DNAJC18: variants seen among roughly 807,000 people sequenced by gnomAD.
The protein encoded by DNAJC18 is dnaJ homolog subfamily C member 18.
A neutral mutation model predicts 48.6 loss-of-function variants in DNAJC18; 40 were observed. The observed-to-expected ratio is 0.82, with a 90% confidence interval of 0.64 to 1.07. The LOEUF is 1.07. Ranked by LOEUF, DNAJC18 falls within the 50% of genes least tolerant of loss-of-function variation. DNAJC18 has a pLI of 0.00. For missense variants in DNAJC18, 340 were observed against 427.7 expected (o/e 0.79, Z 1.81); for synonymous variants, 135 against 152.2 (o/e 0.89, Z 0.83).
In DNAJC18 at chr5:139,439,450, G is replaced by C; in HGVS notation, c.-5C>G. 6.2e-7 allele frequency: 1 copy of C among 1,613,948 alleles called. No individual in the cohort carries two copies. The highest frequency in any genetic ancestry group is 8.5e-7 in the Non-Finnish European group (1 of 1,180,014). Reference sequence around the variant, plus strand: ...GCTGCCCAGAGTCGCCGCCATATCGGTTCCCAATCAGCAGGTCCGCCGAGC... The same window carrying C: ...GCTGCCCAGAGTCGCCGCCATATCGCTTCCCAATCAGCAGGTCCGCCGAGC... On this transcript the variant is annotated 5_prime_UTR_variant, in exon 1 of 8. Coordinates refer to ENST00000302060, the MANE Select transcript of DNAJC18 (RefSeq NM_152686.4). This position sits in a 1 kb window ranked among gnomAD's most constrained non-coding sequence, Gnocchi z 4.1.
intron 2 of DNAJC18, among the ~76,000 whole-genome samples, chr5:139,434,537 C>T (rs1435736474): frequency 2.0e-5 from 3 of 152,168 alleles, no homozygotes; most frequent in East Asian, 3.9e-4. Flanking sequence ...CGCTCAGGCT[C>T]GTCTTGAACT....
intron 2 of DNAJC18, among the ~76,000 whole-genome samples, chr5:139,429,115 C>T (rs912313402): frequency 8.6e-6 from 1 of 115,630 alleles, no homozygotes; most frequent in Non-Finnish European, 1.7e-5. Flanking sequence ...CGTAGTCTTG[C>T]TCTTGTTGCC....
chr5:139,425,308 C>T (rs1759218983), intron 4 of DNAJC18, among the ~76,000 whole-genome samples, 194 bp from the exon 5 acceptor site: 1 of 152,086 alleles, frequency 6.6e-6, no homozygotes, highest in Admixed American at 6.6e-5. Context: ...GGATTACAGG[C>T]ACCCGCCACC....
Position 139,414,136 on chromosome 5 carries a change from ACCATTAT to A in DNAJC18, c.*5_*11del. On this transcript the variant is annotated 3_prime_UTR_variant, in exon 8 of 8. Coordinates refer to ENST00000302060, the MANE Select transcript of DNAJC18 (RefSeq NM_152686.4). ...TAGCAAAACCCCAGCCCTGCGTAGG[ACCATTAT>A]CCTCTCAGCCACCTCTGCGTAGGCC... is the stretch of plus-strand genomic sequence containing the variant. The A allele has an allele frequency of 6.2e-7, 1 of 1,610,748 alleles. No homozygotes were observed. Among genetic ancestry groups the A allele is most frequent in the South Asian group, 1.1e-5 (1 of 90,204 alleles).
Position 139,425,937 on chromosome 5 carries a change from T to A in DNAJC18, c.559+235A>T, listed in dbSNP as rs1467311291. On this transcript the variant is annotated intron_variant, in intron 4 of 7. Coordinates refer to ENST00000302060, the MANE Select transcript of DNAJC18 (RefSeq NM_152686.4). ...TCACAGTGACCCTGTGAAGTAGGTA[T>A]TATTAACAGCCCCATTTTTCAGGAG... is the stretch of plus-strand genomic sequence containing the variant. Among the ~76,000 whole-genome samples, 29 of 152,204 alleles carry A rather than the reference T, an allele frequency of 1.9e-4. 1 individual carries two copies. Among genetic ancestry groups the A allele is most frequent in the Admixed American group, 1.8e-3 (28 of 15,284 alleles).
chr5:139,422,853 T>C (rs759590113), intron 5 of DNAJC18, 36 bp from the exon 6 acceptor site: 2 of 1,493,024 alleles, frequency 1.3e-6, no homozygotes, highest in Non-Finnish European at 1.8e-6. Context: ...TTGCTGTAAG[T>C]GTTCTTTTTT....
intron 4 of DNAJC18, among the ~76,000 whole-genome samples, chr5:139,425,485 C>A (rs1391867701): frequency 1.3e-5 from 2 of 152,174 alleles, no homozygotes; most frequent in African/African-American, 4.8e-5. Context: ...TTTTCAAGGT[C>A]CTTGTTCCCA....
At chr5:139,414,717 G>T (rs1309517446) in intron 7 of DNAJC18, among the ~76,000 whole-genome samples, 1 of 152,222 alleles carries the variant, frequency 6.6e-6, no homozygotes, top group Admixed American at 6.5e-5. Context: ...ATGTGCGAAG[G>T]CACACAGAGC....
Position 139,422,875 on chromosome 5 carries a change from G to A in DNAJC18, c.670-58C>T, listed in dbSNP as rs1219647508. ...AAGTGTTCTTTTTTTTTTTTCTGTC[G>A]CCCAGGCTGGAGTGCAGTGGTGCGA... On this transcript the variant is annotated intron_variant, in intron 5 of 7. Coordinates refer to ENST00000302060, the MANE Select transcript of DNAJC18 (RefSeq NM_152686.4). 14 of 1,260,278 alleles carry A rather than the reference G, an allele frequency of 1.1e-5. No individual in the cohort carries two copies. In the South Asian group the frequency reaches 1.3e-4, roughly 11 times the overall value. The allele number at this position is 1,260,278 out of a possible 1,614,324, so 78.1% of individuals were successfully genotyped here.
At chr5:139,427,380 A>T (rs1471272005) in intron 3 of DNAJC18, among the ~76,000 whole-genome samples, 3 of 152,094 alleles carry the variant, frequency 2.0e-5, no homozygotes. Context: ...CCTCAAAAAA[A>T]AGAAATCTTT....
intron 7 of DNAJC18, chr5:139,418,690 G>A: frequency 2.2e-6 from 1 of 454,170 alleles, no homozygotes; most frequent in Non-Finnish European, 4.4e-6. Flanking sequence ...GCAGAGACCA[G>A]GTCCCTAAGG....
chr5:139,429,024 G>A (rs759343027), intron 2 of DNAJC18, among the ~76,000 whole-genome samples: 11 of 140,584 alleles, frequency 7.8e-5, no homozygotes, highest in Non-Finnish European at 1.4e-4. Flanking sequence ...CACCCTGTTT[G>A]TTTATAATTT....
intron 2 of DNAJC18, 92 bp from the exon 3 acceptor site, chr5:139,428,775 G>T: frequency 6.9e-7 from 1 of 1,443,560 alleles, no homozygotes; most frequent in Non-Finnish European, 9.2e-7. Flanking sequence ...CAATCTGTGG[G>T]ACCCAAAACA....
chr5:139,417,774 A>T (rs1759092065), intron 7 of DNAJC18, among the ~76,000 whole-genome samples: 1 of 151,984 alleles, frequency 6.6e-6, no homozygotes, highest in African/African-American at 2.4e-5. Context: ...GGGTTTCGCC[A>T]TGTTGGCCAG....
rs767320675 is a variant in DNAJC18 at position 139,414,189 on chromosome 5, C to T, written c.1036G>A (p.Glu346Lys). ...AGGCCAATGAGTTTGGAAAGTTTCT[C>T]ACAGTTTTCAAGTTTCAGCGACTCT... is the stretch of plus-strand genomic sequence containing the variant. ...KAESLKLENC[E>K]KLSKLIGLRR... Residue 346 changes from glutamate to lysine, a missense_variant, in exon 8 of 8, where the codon GAG becomes AAG. Coordinates refer to ENST00000302060, the MANE Select transcript of DNAJC18 (RefSeq NM_152686.4). 6.2e-7 allele frequency: 1 copy of T among 1,614,190 alleles called. No individual in the cohort carries two copies. The highest frequency in any genetic ancestry group is 8.5e-7 in the Non-Finnish European group (1 of 1,180,026).
chr5:139,437,324 C>G, intron 2 of DNAJC18, 48 bp downstream of exon 2: 3 of 1,550,272 alleles, frequency 1.9e-6, no homozygotes, highest in Non-Finnish European at 2.6e-6. Flanking sequence ...AGGCACTCTT[C>G]TAAGCACTTT....
At chr5:139,425,652 G>A (rs983148791) in intron 4 of DNAJC18, among the ~76,000 whole-genome samples, 2 of 152,144 alleles carry the variant, frequency 1.3e-5, no homozygotes, top group South Asian at 4.1e-4. Flanking sequence ...ACCCCGAAAG[G>A]CTAGAAGAGA....
chr5:139,419,300 C>G lies in DNAJC18; in HGVS notation c.952+753G>C, dbSNP rs1447593259. On this transcript the variant is annotated intron_variant, in intron 7 of 7. Coordinates refer to ENST00000302060, the MANE Select transcript of DNAJC18 (RefSeq NM_152686.4). ...AAGCTGTTGGCTGAGACGGGGCTAC[C>G]CCTGCTGCAGACACTCCTAGTAACA... 1.1e-5 allele frequency: 4 copies of G among 370,702 alleles called. No individual in the cohort carries two copies. In the East Asian group the frequency reaches 2.9e-4, roughly 27 times the overall value. 23.0% of individuals were successfully genotyped at this position (370,702 alleles called of 1,614,324 possible).
Position 139,428,527 on chromosome 5 carries a change from C to T in DNAJC18, c.373+11G>A, listed in dbSNP as rs1257196714. The T allele has an allele frequency of 3.7e-6, 6 of 1,607,958 alleles. No individual in the cohort carries two copies. Among genetic ancestry groups the T allele is most frequent in the Non-Finnish European group, 5.1e-6 (6 of 1,178,250 alleles). On this transcript the variant is annotated intron_variant, in intron 3 of 7. Transcript: ENST00000302060. ...ACAAGGGCACCATTGAGCATTGGTT[C>T]AGGATCAGACCTTTGAAAGCATCTG... is the stretch of plus-strand genomic sequence containing the variant.
Sources: gnomAD v4.1 joint callset for allele counts (sites outside exome capture counted in the v4.1 genomes callset) on GRCh38, gnomAD v4.1.1 for gene constraint, Gnocchi (gnomAD v3.1) non-coding constraint, MANE v1.5 for transcripts, NCBI Gene and HGNC (gene_info 2026-07-23, HGNC 2026-07-21) for gene names.